The following PLEKHM1 variants were observed in gnomAD, a reference collection of about 807,000 sequenced individuals.
The protein encoded by PLEKHM1 is pleckstrin homology and RUN domain containing M1.
Under a neutral mutation model 94.3 loss-of-function variants are expected in PLEKHM1, and 28 were observed. The ratio of observed to expected loss-of-function variants is 0.30; its 90% CI spans 0.22 to 0.41. PLEKHM1 has a LOEUF of 0.41. Among genes scored for constraint, PLEKHM1 ranks in the 10% least tolerant of loss-of-function variants. The probability of loss-of-function intolerance (pLI) is 1.00; values close to 1 mark genes in which losing one functional copy is unlikely to be tolerated. For synonymous variants in PLEKHM1, 424 were observed against 581.2 expected, an observed-to-expected ratio of 0.73 and a Z score of 3.89; for missense variants, 907 against 1,358.6, an observed-to-expected ratio of 0.67 and a Z score of 5.22.
intron 6 of PLEKHM1, among the ~76,000 whole-genome samples, chr17:45,456,105 C>T (rs1325588593): frequency 6.6e-6 from 1 of 152,186 alleles, no homozygotes; most frequent in African/African-American, 2.4e-5. Context: ...TGCATCTCCT[C>T]AAACATCCCC....
chr17:45,439,644 G>C lies in PLEKHM1; in HGVS notation c.2902-10C>G. 6.2e-7 allele frequency: 1 copy of C among 1,613,858 alleles called. No individual in the cohort carries two copies. Among genetic ancestry groups the C allele is most frequent in the Non-Finnish European group, 8.5e-7 (1 of 1,179,860 alleles). ...ACACCCCGTCTGCGATCTGCGGAGG[G>C]CAAGTAGGAATCCTTCATACACCCC... On this transcript the variant is annotated splice_polypyrimidine_tract_variant and intron_variant, in intron 10 of 11. Transcript: ENST00000430334.
At position 45,453,040 on chromosome 17, in the gene PLEKHM1, G is replaced by A. The variant is rs2960004; in HGVS notation, c.2497+315C>T. On this transcript the variant is annotated intron_variant, in intron 7 of 11. Transcript: ENST00000430334. The surrounding 1 kb of genome is among the most constrained non-coding windows in gnomAD (Gnocchi z 4.1). ...TGCCCCTGCTCTGAAAGAACAGGAC[G>A]GTAGAGCAAGAAGAAAATGAAGCAG... The A allele has an allele frequency of 1.3e-5, 7 of 554,500 alleles. No homozygotes were observed. The highest frequency in any genetic ancestry group is 3.8e-5 in the African/African-American group (2 of 53,076). The allele number at this position is 554,500 out of a possible 1,614,324, so 34.3% of individuals were successfully genotyped here.
intron 3 of PLEKHM1, among the ~76,000 whole-genome samples, chr17:45,476,295 G>C (rs1389848235): frequency 6.6e-6 from 1 of 151,320 alleles, no homozygotes; most frequent in Admixed American, 6.6e-5. Flanking sequence ...GCTCATCTAA[G>C]GCATGCTGTC....
At position 45,453,224 on chromosome 17, in the gene PLEKHM1, T is replaced by C. The variant is rs548691146; in HGVS notation, c.2497+131A>G. ...CAGAAGCTGTAGGGCAAGCCTGATC[T>C]GTGGCCTCATCCCTAGGGGAAGGAT... On this transcript the variant is annotated intron_variant, in intron 7 of 11. Transcript: ENST00000430334. The surrounding 1 kb of genome is among the most constrained non-coding windows in gnomAD (Gnocchi z 4.1). 8.1e-6 allele frequency: 6 copies of C among 737,180 alleles called. No individual in the cohort carries two copies. In the African/African-American group the frequency reaches 1.0e-4, roughly 13 times the overall value. The allele number at this position is 737,180 out of a possible 1,614,324, so 45.7% of individuals were successfully genotyped here. A position where few individuals can be genotyped will look rare whatever the true frequency, so the allele number is the denominator to read the frequency against.
chr17:45,474,790 C>A (rs1255899462), intron 4 of PLEKHM1, among the ~76,000 whole-genome samples: 2 of 152,174 alleles, frequency 1.3e-5, no homozygotes, highest in Non-Finnish European at 2.9e-5. Context: ...GTATCAGCCT[C>A]CCAAGTGCTG....
intron 1 of PLEKHM1, among the ~76,000 whole-genome samples, chr17:45,489,183 G>A (rs2868658): frequency 1.8e-4 from 28 of 152,192 alleles, no homozygotes; most frequent in Non-Finnish European, 3.4e-4. Flanking sequence ...AAAAGAAAGC[G>A]ATTCAAGAGC....
intron 1 of PLEKHM1, chr17:45,487,840 T>A: frequency 2.2e-6 from 1 of 455,970 alleles, no homozygotes; most frequent in Non-Finnish European, 4.4e-6. Flanking sequence ...CGGCCTTCTC[T>A]CCACTGCCTG....
chr17:45,471,256 A>G (rs2051500771), intron 4 of PLEKHM1, among the ~76,000 whole-genome samples: 1 of 150,802 alleles, frequency 6.6e-6, no homozygotes, highest in South Asian at 2.1e-4. Context: ...ACCACTTTAT[A>G]CCCACTGGGT....
chr17:45,448,169 G>A (rs868278623), intron 8 of PLEKHM1: 1 of 152,188 alleles, frequency 6.6e-6, no homozygotes, highest in Non-Finnish European at 1.5e-5. Context: ...ATGGCTCAAC[G>A]GAAGTATCAG....
In PLEKHM1 at chr17:45,436,805, T is replaced by A. The variant is rs2050271124; in HGVS notation, c.*1053A>T. On this transcript the variant is annotated 3_prime_UTR_variant, in exon 12 of 12. Coordinates refer to ENST00000430334, the MANE Select transcript of PLEKHM1 (RefSeq NM_014798.3). ...GTGGTGGCTGCATCCACAGGGCAGT[T>A]CCCCCGCACGCCCTGCACAGCTTAG... 2.2e-6 allele frequency: 1 copy of A among 454,068 alleles called. No individual in the cohort carries two copies. Among genetic ancestry groups the A allele is most frequent in the South Asian group, 1.6e-5 (1 of 64,462 alleles). 28.1% of individuals were successfully genotyped at this position (454,068 alleles called of 1,614,324 possible).
At chr17:45,449,709 C>A (rs1398814657) in intron 8 of PLEKHM1, among the ~76,000 whole-genome samples, 2 of 150,718 alleles carry the variant, frequency 1.3e-5, no homozygotes. Flanking sequence ...CACCTAGCCA[C>A]CTGCTCATTC....
At chr17:45,473,567 T>A (rs1438961200) in intron 4 of PLEKHM1, among the ~76,000 whole-genome samples, 4 of 152,254 alleles carry the variant, frequency 2.6e-5, no homozygotes, top group East Asian at 3.9e-4. Flanking sequence ...TCTTTTATTT[T>A]TTTTTTTTTG....
chr17:45,475,347 A>T lies in PLEKHM1; in HGVS notation c.676T>A (p.Ser226Thr), dbSNP rs1440396209. Residue 226 changes from serine (S) to threonine (T), a missense_variant, in exon 4 of 12, where the codon TCT becomes ACT. Around this residue, in one of 3 missense-constraint regions of PLEKHM1, gnomAD observed 176 missense variants for 306.0 expected, o/e 0.58. Coordinates refer to ENST00000430334, the MANE Select transcript of PLEKHM1 (RefSeq NM_014798.3). Reference protein sequence around the residue: ...RKESLDSISHSSGSEDIEVHH... With the variant: ...RKESLDSISHTSGSEDIEVHH... ...ACTTCGATGTCTTCAGAGCCTGAAG[A>T]ATGGGAAATGGAATCCAGAGATTCC... is the stretch of plus-strand genomic sequence containing the variant. The T allele has an allele frequency of 6.2e-7, 1 of 1,613,952 alleles. No individual in the cohort carries two copies. Among genetic ancestry groups the T allele is most frequent in the Admixed American group, 1.7e-5 (1 of 60,014 alleles).
In PLEKHM1 at chr17:45,436,494, T is replaced by A. The variant is rs1363372765; in HGVS notation, c.*1364A>T. 1 of 453,488 alleles carries A rather than the reference T, an allele frequency of 2.2e-6. No individual in the cohort carries two copies. The highest frequency in any genetic ancestry group is 4.4e-6 in the Non-Finnish European group (1 of 226,416). The allele number at this position is 453,488 out of a possible 1,614,324, so 28.1% of individuals were successfully genotyped here. On this transcript the variant is annotated 3_prime_UTR_variant, in exon 12 of 12. Coordinates refer to ENST00000430334, the MANE Select transcript of PLEKHM1 (RefSeq NM_014798.3). ...GGTGGGCTCATCTCTGACAGTGACA[T>A]GCGGCTCTCCACCTGAGGCCTGACT...
intron 11 of PLEKHM1, 138 bp downstream of exon 11, chr17:45,439,339 C>T (rs1298683994): frequency 2.1e-6 from 2 of 970,258 alleles, no homozygotes; most frequent in East Asian, 2.6e-5. Flanking sequence ...AACTGCACCA[C>T]CCCTTGGCAC....
chr17:45,437,467 C>T lies in PLEKHM1; in HGVS notation c.*391G>A. 1 of 481,542 alleles carries T rather than the reference C, an allele frequency of 2.1e-6. No homozygotes were observed. Among genetic ancestry groups the T allele is most frequent in the Non-Finnish European group, 4.1e-6 (1 of 245,272 alleles). The allele number at this position is 481,542 out of a possible 1,614,324, so 29.8% of individuals were successfully genotyped here. ...TGTTGAAATATGAATGGGAAAAACCCACCTTAAAAAACTAGACCTTTTAAT... is the reference window on the plus strand; with the variant it reads ...TGTTGAAATATGAATGGGAAAAACCTACCTTAAAAAACTAGACCTTTTAAT... On this transcript the variant is annotated 3_prime_UTR_variant, in exon 12 of 12. Transcript: ENST00000430334. The surrounding 1 kb of genome is among the most constrained non-coding windows in gnomAD (Gnocchi z 4.0).
rs763130584 is a variant in PLEKHM1, at chr17:45,453,450, A to T, written c.2402T>A (p.Leu801Gln). The change falls in exon 7 of 12, where the codon CTG (leucine) becomes CAG (glutamine). Residue 801 changes from leucine (L) to glutamine (Q), a missense_variant. Physicochemically the swap from Leu to Gln is moderately radical, Grantham distance 113. This residue lies in a region of PLEKHM1 where 254 missense variants were observed against 451.1 expected (regional missense o/e 0.56). Coordinates refer to ENST00000430334, the MANE Select transcript of PLEKHM1 (RefSeq NM_014798.3). This position sits in a 1 kb window ranked among gnomAD's most constrained non-coding sequence, Gnocchi z 4.1. ...GCCATTCTCCCGGGTGGCAAATTTC[A>T]GCACCTCCTGACAGTTTTCATCCAG... ...GSLDENCQEV[L>Q]KFATRENGFL... 3 of 1,611,770 alleles carry T rather than the reference A, an allele frequency of 1.9e-6. No homozygotes were observed. The South Asian group carries it at 3.3e-5, about 18-fold the overall frequency.
intron 6 of PLEKHM1, chr17:45,456,511 C>G (rs1260621688): frequency 6.6e-6 from 1 of 152,280 alleles, no homozygotes; most frequent in East Asian, 1.9e-4. Context: ...AGATTTCACA[C>G]TATTCTATGG....
intron 5 of PLEKHM1, among the ~76,000 whole-genome samples, chr17:45,466,384 CA>C (rs894501783): frequency 1.6e-4 from 24 of 152,034 alleles, no homozygotes; most frequent in African/African-American, 5.1e-4. Flanking sequence ...AAACCATAAA[CA>C]AAAAGACTGA....
Sources: allele counts gnomAD v4.1 joint callset (sites outside exome capture counted in the v4.1 genomes callset), GRCh38; gene constraint gnomAD v4.1.1; regional missense constraint gnomAD v4.1.1; non-coding constraint Gnocchi (gnomAD v3.1); transcripts MANE v1.5; gene names NCBI Gene and HGNC (gene_info 2026-07-23, HGNC 2026-07-21).